Variants in PEAK1 observed in about 807,000 individuals in gnomAD.
PEAK1 encodes the protein inactive tyrosine-protein kinase PEAK1.
A neutral mutation model predicts 124.7 loss-of-function variants in PEAK1; 54 were observed. The ratio of observed to expected loss-of-function variants is 0.43; its 90% confidence interval spans 0.35 to 0.54. The LOEUF is 0.54. PEAK1 is among the 20% of genes least tolerant of loss of function. The probability of loss-of-function intolerance (pLI) is 0.01; values close to 1 mark genes in which losing one functional copy is unlikely to be tolerated. For synonymous variants in PEAK1, 719 were observed against 760.0 expected (o/e 0.95, Z 0.89); for missense variants, 2,046 against 2,134.5 (o/e 0.96, Z 0.82).
chr15:77,188,524 A>G (rs1435099873), intron 6 of PEAK1, among the ~76,000 whole-genome samples: 1 of 152,216 alleles, frequency 6.6e-6, no homozygotes, highest in Non-Finnish European at 1.5e-5. Flanking sequence ...ACCCCTATTT[A>G]AGAAGGTATA....
At chr15:77,116,560 TAA>T (rs551183564) in intron 9 of PEAK1, among the ~76,000 whole-genome samples, 5 of 142,750 alleles carry the variant, frequency 3.5e-5, no homozygotes, top group Admixed American at 1.4e-4. Context: ...TCAAATAGAT[TAA>T]AAAAAAAAAA....
At chr15:77,415,814 G>A (rs978081138) in intron 1 of PEAK1, among the ~76,000 whole-genome samples, 1 of 152,096 alleles carries the variant, frequency 6.6e-6, no homozygotes, top group Non-Finnish European at 1.5e-5. Flanking sequence ...CCATCCACCA[G>A]CCAGTCTCCC....
At chr15:77,306,977 T>C (rs2064140691) in intron 2 of PEAK1, among the ~76,000 whole-genome samples, 1 of 152,096 alleles carries the variant, frequency 6.6e-6, no homozygotes, top group African/African-American at 2.4e-5. Context: ...CAATTAAAGG[T>C]TCCATATGTT....
intron 6 of PEAK1, among the ~76,000 whole-genome samples, chr15:77,201,339 G>A (rs1371203378): frequency 4.9e-5 from 7 of 143,196 alleles, no homozygotes; most frequent in Non-Finnish European, 9.0e-5. Context: ...CCGGGTTCAC[G>A]CCATTCTCCT....
At chr15:77,364,627 C>A (rs2068101878) in intron 2 of PEAK1, among the ~76,000 whole-genome samples, 1 of 152,162 alleles carries the variant, frequency 6.6e-6, no homozygotes, top group African/African-American at 2.4e-5. Flanking sequence ...GGCTATGATC[C>A]TACCTTTAGA....
chr15:77,154,882 T>A (rs1474173075), intron 8 of PEAK1, among the ~76,000 whole-genome samples: 1 of 152,084 alleles, frequency 6.6e-6, no homozygotes, highest in Non-Finnish European at 1.5e-5. Flanking sequence ...CTTCCCTTTG[T>A]GGGTAACCCG....
At chr15:77,391,160 GC>G (rs1472361385) in intron 1 of PEAK1, among the ~76,000 whole-genome samples, 2 of 152,096 alleles carry the variant, frequency 1.3e-5, no homozygotes, top group Admixed American at 6.6e-5. Context: ...GGTTGAGGCA[GC>G]CCAGACCCAT....
intron 2 of PEAK1, chr15:77,336,567 C>G: frequency 1.0e-6 from 1 of 985,154 alleles, no homozygotes; most frequent in Non-Finnish European, 1.2e-6. Flanking sequence ...TCATGCACTG[C>G]TCAAAGCAGT....
intron 6 of PEAK1, among the ~76,000 whole-genome samples, chr15:77,190,009 G>C (rs2152832154): frequency 6.6e-6 from 1 of 152,248 alleles, no homozygotes; most frequent in Middle Eastern, 3.4e-3. Context: ...ATGATTCTAA[G>C]AAAAATCCTG....
chr15:77,215,709 A>G (rs2059120166), intron 6 of PEAK1, among the ~76,000 whole-genome samples: 1 of 152,134 alleles, frequency 6.6e-6, no homozygotes, highest in South Asian at 2.1e-4. Context: ...TTTAAACGAT[A>G]ACTTCTTTTA....
At position 77,337,813 on chromosome 15, in the gene PEAK1, C is replaced by T. The variant is rs533376760; in HGVS notation, c.-603+27350G>A. On this transcript the variant is annotated intron_variant, in intron 2 of 9. Transcript: ENST00000682557. ...GAGGAAGACAGAATGGAAAACGCTA[C>T]TTTAGCGTTTCATGCAATAGAGCTA... 5.5e-5 allele frequency: 54 copies of T among 984,820 alleles called. No homozygotes were observed. In the East Asian group the frequency reaches 4.0e-3, roughly 72 times the overall value. The allele number at this position is 984,820 out of a possible 1,614,324, so 61.0% of individuals were successfully genotyped here.
intron 1 of PEAK1, among the ~76,000 whole-genome samples, chr15:77,399,563 T>C (rs1027671036): frequency 2.0e-5 from 3 of 151,894 alleles, no homozygotes; most frequent in African/African-American, 4.8e-5. Flanking sequence ...GAACATACAT[T>C]AGGACAGTCT....
intron 2 of PEAK1, among the ~76,000 whole-genome samples, chr15:77,321,115 A>T (rs1490907847): frequency 6.6e-6 from 1 of 152,212 alleles, no homozygotes; most frequent in Admixed American, 6.5e-5. Context: ...TGCCACAATA[A>T]ACATATGTGT....
At chr15:77,100,804 AC>A (rs2050687920) in exon 7 of PEAK1, 1 of 152,248 alleles carries the variant, frequency 6.6e-6, no homozygotes, top group South Asian at 2.1e-4. Flanking sequence ...AACATCTATT[AC>A]AATCAGAAAA....
At chr15:77,107,308 G>A (rs1318436776), downstream of PEAK1, 1 of 152,244 alleles carries the variant, frequency 6.6e-6, no homozygotes, top group Non-Finnish European at 1.5e-5. Context: ...TTCCTCCTGG[G>A]CCCAGGCAAC....
At chr15:77,259,013 T>C (rs2061310458) in intron 5 of PEAK1, among the ~76,000 whole-genome samples, 1 of 152,192 alleles carries the variant, frequency 6.6e-6, no homozygotes, top group Non-Finnish European at 1.5e-5. Flanking sequence ...GTTCTGTTTA[T>C]ATGCTGGATT....
intron 2 of PEAK1, chr15:77,352,133 T>C (rs1173050437): frequency 2.2e-6 from 2 of 910,470 alleles, no homozygotes; most frequent in South Asian, 5.1e-5. Flanking sequence ...GGTGTAAGGA[T>C]TGCTTTAGCC....
At chr15:77,124,842 G>A (rs188847429) in intron 9 of PEAK1, among the ~76,000 whole-genome samples, 2 of 152,270 alleles carry the variant, frequency 1.3e-5, no homozygotes, top group Non-Finnish European at 2.9e-5. Context: ...TTCTCTCAAT[G>A]TACTGCATTT....
intron 2 of PEAK1, chr15:77,333,006 T>C (rs1052832546): frequency 3.3e-6 from 3 of 918,368 alleles, no homozygotes; most frequent in African/African-American, 1.8e-5. Flanking sequence ...TCATTTCTTA[T>C]TGACTTATAA....
Sources: allele counts gnomAD v4.1 joint callset (sites outside exome capture counted in the v4.1 genomes callset), GRCh38; gene constraint gnomAD v4.1.1; transcripts MANE v1.5; gene names NCBI Gene and HGNC (gene_info 2026-07-23, HGNC 2026-07-21).